Variants in SIPA1L1 observed in about 807,000 individuals in gnomAD.
SIPA1L1 encodes the protein signal-induced proliferation-associated 1-like protein 1.
SIPA1L1 carries 26 observed loss-of-function variants against 162.7 expected under a neutral mutation model. That is an observed-to-expected ratio of 0.16 (90% CI 0.12 to 0.22). SIPA1L1 has a LOEUF of 0.22. SIPA1L1 is among the 10% of genes least tolerant of loss of function. The pLI, the probability that SIPA1L1 is intolerant of heterozygous loss-of-function variation, is 1.00. For synonymous variants in SIPA1L1, 829 were observed against 837.4 expected (o/e 0.99, Z 0.17); for missense variants, 1,874 against 2,241.0 (o/e 0.84, Z 3.31).
At chr14:71,464,726 CTA>C (rs1175079872) in intron 2 of SIPA1L1, among the ~76,000 whole-genome samples, 2 of 152,188 alleles carry the variant, frequency 1.3e-5, no homozygotes, top group Non-Finnish European at 2.9e-5. Context: ...TGATCCAACT[CTA>C]TGTTCCTTCC....
chr14:71,578,227 T>G lies in SIPA1L1; in HGVS notation c.-302-9344T>G, dbSNP rs1028591848. 4.6e-5 allele frequency among the ~76,000 whole-genome samples: 7 copies of G among 152,104 alleles called. No individual in the cohort carries two copies. In the East Asian group the frequency reaches 1.4e-3, roughly 29 times the overall value. The stretch of plus-strand genomic sequence containing the variant: ...CCCGGACTTTTTATTTTTTATTTTT[T>G]AGTAGAGACAAGGTCTTGCTTTGTT... On this transcript the variant is annotated intron_variant, in intron 4 of 23. Coordinates refer to ENST00000381232, the MANE Select transcript of SIPA1L1 (RefSeq NM_001386936.1).
At chr14:71,514,417 T>G (rs894186038) in intron 3 of SIPA1L1, among the ~76,000 whole-genome samples, 1 of 152,192 alleles carries the variant, frequency 6.6e-6, no homozygotes, top group African/African-American at 2.4e-5. Context: ...CTCTGCCATT[T>G]TGCCTCTTAA....
intron 2 of SIPA1L1, among the ~76,000 whole-genome samples, chr14:71,397,732 C>T (rs8019634): frequency 0.7 from 105,858 of 152,022 alleles, 37,463 homozygotes; most frequent in Non-Finnish European, 0.74. Context: ...ACTATTTTCT[C>T]TGCAGTTTGG....
chr14:71,623,068 C>T (rs1268629304), intron 6 of SIPA1L1, among the ~76,000 whole-genome samples: 1 of 152,196 alleles, frequency 6.6e-6, no homozygotes, highest in Non-Finnish European at 1.5e-5. Flanking sequence ...TTCAGTGGGG[C>T]CTTTCTTTAT....
chr14:71,737,642 A>G (rs2085421783), intron 22 of SIPA1L1, among the ~76,000 whole-genome samples: 1 of 152,196 alleles, frequency 6.6e-6, no homozygotes, highest in Non-Finnish European at 1.5e-5. Context: ...AAACATGAGA[A>G]AATGAGAAGA....
At chr14:71,691,728 C>A (rs1278257400) in intron 13 of SIPA1L1, among the ~76,000 whole-genome samples, 2 of 152,146 alleles carry the variant, frequency 1.3e-5, no homozygotes, top group Non-Finnish European at 2.9e-5. Flanking sequence ...AGGAGCTCCT[C>A]TACTTGGTGC....
At chr14:71,383,553 A>G (rs1256272121) in intron 2 of SIPA1L1, among the ~76,000 whole-genome samples, 1 of 152,218 alleles carries the variant, frequency 6.6e-6, no homozygotes, top group East Asian at 1.9e-4. Context: ...TAATTTATAA[A>G]GAAAAGGGGC....
At chr14:71,548,630 C>T (rs1232257306) in intron 4 of SIPA1L1, among the ~76,000 whole-genome samples, 1 of 152,088 alleles carries the variant, frequency 6.6e-6, no homozygotes, top group Non-Finnish European at 1.5e-5. Context: ...GACATGGTGA[C>T]TCACACCTGT....
At chr14:71,556,461 T>A (rs181647930) in intron 4 of SIPA1L1, among the ~76,000 whole-genome samples, 160 of 152,348 alleles carry the variant, frequency 1.1e-3, no homozygotes, top group African/African-American at 3.4e-3. Context: ...CTTACATCTT[T>A]GGACATCATT....
At chr14:71,334,287 A>G (rs1399183331) in intron 2 of SIPA1L1, among the ~76,000 whole-genome samples, 1 of 152,226 alleles carries the variant, frequency 6.6e-6, no homozygotes, top group Non-Finnish European at 1.5e-5. Context: ...TGTGTCTTAC[A>G]TTATTTCTGG....
chr14:71,448,666 C>G (rs960940424), intron 2 of SIPA1L1: 3 of 149,752 alleles, frequency 2.0e-5, no homozygotes, highest in African/African-American at 7.5e-5. Context: ...TCATAACAGC[C>G]TGCATTTCAA....
At chr14:71,521,533 A>G (rs1318279243) in intron 3 of SIPA1L1, among the ~76,000 whole-genome samples, 1 of 152,206 alleles carries the variant, frequency 6.6e-6, no homozygotes, top group African/African-American at 2.4e-5. Flanking sequence ...GAATTCTTTT[A>G]TGGCCTACTT....
At position 71,664,249 on chromosome 14, in the gene SIPA1L1, C is replaced by T. The variant is rs139662263; in HGVS notation, c.2255+2782C>T. Among the ~76,000 whole-genome samples, 135 of 152,206 alleles carry T rather than the reference C, an allele frequency of 8.9e-4. 1 individual carries two copies. The East Asian group carries it at 0.021, about 23-fold the overall frequency. On this transcript the variant is annotated intron_variant, in intron 10 of 23. Coordinates refer to ENST00000381232, the MANE Select transcript of SIPA1L1 (RefSeq NM_001386936.1). ...TTTTTCTCAAGCCCCAGCCACTCCC[C>T]GAACTACTAGGGATATGAATTTATA...
intron 2 of SIPA1L1, among the ~76,000 whole-genome samples, chr14:71,334,056 G>A (rs565881106): frequency 6.6e-6 from 1 of 152,188 alleles, no homozygotes; most frequent in African/African-American, 2.4e-5. Flanking sequence ...AAATGGAGAT[G>A]CCTAGAGGAG....
chr14:71,557,550 G>C (rs1045264381), intron 4 of SIPA1L1, among the ~76,000 whole-genome samples: 2 of 152,212 alleles, frequency 1.3e-5, no homozygotes, highest in African/African-American at 4.8e-5. Context: ...TGTGGTACTT[G>C]AGATGTGAGT....
intron 2 of SIPA1L1, among the ~76,000 whole-genome samples, chr14:71,359,577 T>G (rs1482198591): frequency 6.6e-6 from 1 of 152,190 alleles, no homozygotes; most frequent in Admixed American, 6.5e-5. Context: ...ATAATAAATG[T>G]GTTGAATGAA....
chr14:71,629,086 C>T (rs915196403), intron 7 of SIPA1L1, among the ~76,000 whole-genome samples: 11 of 151,946 alleles, frequency 7.2e-5, no homozygotes, highest in Admixed American at 5.2e-4. Flanking sequence ...TACAGGCACC[C>T]GCCACCACGC....
chr14:71,465,392 T>C (rs2046917948), intron 2 of SIPA1L1, among the ~76,000 whole-genome samples: 1 of 152,206 alleles, frequency 6.6e-6, no homozygotes, highest in South Asian at 2.1e-4. Flanking sequence ...GAATTCATCA[T>C]TTTCCTTCAT....
intron 13 of SIPA1L1, among the ~76,000 whole-genome samples, chr14:71,696,831 AGGAGAT>A (rs1415064681): frequency 6.6e-6 from 1 of 152,222 alleles, no homozygotes; most frequent in Admixed American, 6.5e-5. Context: ...ATGGGATTTG[AGGAGAT>A]TCTAATCTAT....
Sources: gnomAD v4.1 joint callset for allele counts (sites outside exome capture counted in the v4.1 genomes callset) on GRCh38, gnomAD v4.1.1 for gene constraint, MANE v1.5 for transcripts, NCBI Gene and HGNC (gene_info 2026-07-23, HGNC 2026-07-21) for gene names.